FAF1: variants seen among roughly 807,000 people sequenced by gnomAD.
The protein encoded by FAF1 is Fas associated factor 1.
A neutral mutation model predicts 92.5 loss-of-function variants in FAF1; 25 were observed. The observed-to-expected ratio is 0.27, with a 90% CI of 0.20 to 0.38. The LOEUF (loss-of-function observed/expected upper bound fraction) is 0.38. Among genes scored for constraint, FAF1 ranks in the 10% least tolerant of loss-of-function variants. FAF1 has a pLI of 1.00. For synonymous variants in FAF1, 234 were observed against 273.2 expected, an observed-to-expected ratio of 0.86 and a Z score of 1.42; for missense variants, 636 against 793.3, an observed-to-expected ratio of 0.80 and a Z score of 2.38.
chr1:50,514,535 A>G (rs1465452727), intron 15 of FAF1, among the ~76,000 whole-genome samples: 6 of 152,192 alleles, frequency 3.9e-5, no homozygotes, highest in Non-Finnish European at 4.4e-5. Flanking sequence ...CCAGTAATCA[A>G]CAGTTTTAAA....
chr1:50,450,007 C>T (rs1197163307), intron 18 of FAF1, among the ~76,000 whole-genome samples: 1 of 151,520 alleles, frequency 6.6e-6, no homozygotes, highest in Non-Finnish European at 1.5e-5. Context: ...CCAGCCTGGC[C>T]ACCATGGTCA....
chr1:50,503,010 A>T (rs1182731213), intron 15 of FAF1, among the ~76,000 whole-genome samples: 1 of 151,852 alleles, frequency 6.6e-6, no homozygotes, highest in African/African-American at 2.4e-5. Flanking sequence ...TTATTATATT[A>T]AAAATGTTTT....
At chr1:50,872,041 G>A (rs920452250) in intron 1 of FAF1, among the ~76,000 whole-genome samples, 11 of 148,956 alleles carry the variant, frequency 7.4e-5, no homozygotes, top group African/African-American at 2.7e-4. Flanking sequence ...CTCCAGCCTG[G>A]GCAACAGAGC....
intron 3 of FAF1, among the ~76,000 whole-genome samples, chr1:50,795,156 T>C (rs771118568): frequency 3.9e-5 from 6 of 152,286 alleles, no homozygotes; most frequent in Non-Finnish European, 5.9e-5. Context: ...TGCATCTAGC[T>C]AGAGAAACTA....
At chr1:50,629,528 C>T (rs1009501683) in intron 8 of FAF1, among the ~76,000 whole-genome samples, 2 of 152,014 alleles carry the variant, frequency 1.3e-5, no homozygotes, top group Admixed American at 1.3e-4. Flanking sequence ...AATTGGGGAA[C>T]TATGCTAGGA....
chr1:50,468,459 ATTT>A (rs370937786), intron 18 of FAF1, among the ~76,000 whole-genome samples: 2 of 130,714 alleles, frequency 1.5e-5, no homozygotes, highest in Non-Finnish European at 3.2e-5. Context: ...CACTTGGCTA[ATTT>A]TTTTTTTTTT....
At chr1:50,597,488 T>A (rs1004936597) in intron 8 of FAF1, among the ~76,000 whole-genome samples, 3 of 152,056 alleles carry the variant, frequency 2.0e-5, no homozygotes, top group African/African-American at 7.2e-5. Context: ...TCATGAAATA[T>A]GAGGGTAGCT....
At chr1:50,671,732 A>ATT (rs377442041) in intron 7 of FAF1, among the ~76,000 whole-genome samples, 3 of 143,166 alleles carry the variant, frequency 2.1e-5, no homozygotes, top group South Asian at 2.2e-4. Flanking sequence ...GAACATTTTA[A>ATT]TTTTTTTTTT....
rs1015486655 is a variant in FAF1, at chr1:50,437,285, C to T, written c.*4155G>A. 5.9e-5 allele frequency: 9 copies of T among 151,940 alleles called. No homozygotes were observed. The highest frequency in any genetic ancestry group is 5.2e-4 in the Admixed American group (8 of 15,250). 9.4% of individuals were successfully genotyped at this position (151,940 alleles called of 1,614,324 possible). On this transcript the variant is annotated 3_prime_UTR_variant, in exon 19 of 19. Coordinates refer to ENST00000396153, the MANE Select transcript of FAF1 (RefSeq NM_007051.3). ...AGATTCTTCTCCCCAAATAGGATGA[C>T]GTAAATGGTGATTCTTAAAATTTTT...
chr1:50,943,025 G>C (rs1379341422), intron 1 of FAF1, among the ~76,000 whole-genome samples: 3 of 152,070 alleles, frequency 2.0e-5, no homozygotes, highest in Non-Finnish European at 4.4e-5. Context: ...AGAAAATCTA[G>C]AACAATCAGT....
At chr1:50,850,179 G>A (rs1461370966) in intron 2 of FAF1, among the ~76,000 whole-genome samples, 1 of 151,774 alleles carries the variant, frequency 6.6e-6, no homozygotes, top group Middle Eastern at 3.2e-3. Flanking sequence ...AAACATCCAA[G>A]GGAGATCTAT....
At chr1:50,462,491 T>C (rs188887135) in intron 18 of FAF1, among the ~76,000 whole-genome samples, 1 of 152,140 alleles carries the variant, frequency 6.6e-6, no homozygotes, top group Non-Finnish European at 1.5e-5. Context: ...TCTGTATTTG[T>C]TTATAGTAAC....
intron 1 of FAF1, among the ~76,000 whole-genome samples, chr1:50,919,471 C>CG (rs1644945525): frequency 6.6e-6 from 1 of 151,108 alleles, no homozygotes; most frequent in Admixed American, 6.6e-5. Flanking sequence ...TAAAGGCTGC[C>CG]GGGGGGTAAA....
chr1:50,906,745 G>A (rs1644842065), intron 1 of FAF1, among the ~76,000 whole-genome samples: 1 of 152,164 alleles, frequency 6.6e-6, no homozygotes, highest in Admixed American at 6.5e-5. Context: ...CTGAGACTTT[G>A]CTGAAGTTGC....
intron 2 of FAF1, among the ~76,000 whole-genome samples, chr1:50,809,369 G>C (rs1662332785): frequency 6.6e-6 from 1 of 151,840 alleles, no homozygotes; most frequent in African/African-American, 2.4e-5. Flanking sequence ...TAACTAGCTA[G>C]ACTAATGAAG....
At chr1:50,876,319 C>A (rs1173947712) in intron 1 of FAF1, among the ~76,000 whole-genome samples, 12 of 152,098 alleles carry the variant, frequency 7.9e-5, no homozygotes, top group African/African-American at 2.7e-4. Context: ...ATACCTAGTA[C>A]CCAGATCTTA....
intron 1 of FAF1, among the ~76,000 whole-genome samples, chr1:50,912,899 T>C (rs544942826): frequency 9.2e-5 from 14 of 152,208 alleles, no homozygotes; most frequent in Non-Finnish European, 1.9e-4. Context: ...AAAACTGAAT[T>C]CTGATAAACT....
At chr1:50,699,348 G>C (rs1469756843) in intron 7 of FAF1, among the ~76,000 whole-genome samples, 1 of 152,006 alleles carries the variant, frequency 6.6e-6, no homozygotes, top group Non-Finnish European at 1.5e-5. Flanking sequence ...AAACTGGACA[G>C]GTTTTTTTAA....
At chr1:50,721,254 ACGAGT>A (rs1369629518) in intron 6 of FAF1, among the ~76,000 whole-genome samples, 3 of 151,856 alleles carry the variant, frequency 2.0e-5, no homozygotes, top group Non-Finnish European at 4.4e-5. Flanking sequence ...GATAAGTGAG[ACGAGT>A]CTCACTCTTA....
Sources: gnomAD v4.1 joint callset for allele counts (sites outside exome capture counted in the v4.1 genomes callset) on GRCh38, gnomAD v4.1.1 for gene constraint, MANE v1.5 for transcripts, NCBI Gene and HGNC (gene_info 2026-07-23, HGNC 2026-07-21) for gene names.